The following SERPINC1 variants were observed in gnomAD, a reference collection of about 807,000 sequenced individuals.
SERPINC1 encodes the protein serpin family C member 1, also known as antithrombin-III.
In SERPINC1, 12 loss-of-function variants were observed where a neutral mutation model predicts 43.4. The ratio of observed to expected loss-of-function variants is 0.28; its 90% CI spans 0.18 to 0.45. The LOEUF (loss-of-function observed/expected upper bound fraction) is 0.45. SERPINC1 is among the 20% of genes least tolerant of loss of function. The probability of loss-of-function intolerance (pLI) is 1.00; values close to 1 mark genes in which losing one functional copy is unlikely to be tolerated. For synonymous variants in SERPINC1, 210 were observed against 218.9 expected (o/e 0.96, Z 0.36); for missense variants, 423 against 578.8 (o/e 0.73, Z 2.76).
intron 1 of SERPINC1, 64 bp downstream of exon 1, chr1:173,917,155 G>A (rs1658026836): frequency 7.2e-7 from 1 of 1,395,412 alleles, no homozygotes; most frequent in Non-Finnish European, 1.0e-6. Flanking sequence ...GGTCATTCCT[G>A]TGAGTCCTTT....
intron 6 of SERPINC1, 91 bp from the exon 7 acceptor site, chr1:173,904,156 A>C: frequency 8.0e-7 from 1 of 1,242,740 alleles, no homozygotes; most frequent in Non-Finnish European, 1.2e-6. Flanking sequence ...AATTCCTCAA[A>C]TGCTTTTGTT....
intron 5 of SERPINC1, among the ~76,000 whole-genome samples, chr1:173,908,456 C>A (rs1277161954): frequency 7.3e-6 from 1 of 137,506 alleles, no homozygotes; most frequent in South Asian, 2.3e-4. Context: ...CACCACTGCA[C>A]TCCAGCCTGG....
At chr1:173,907,576 G>T in intron 5 of SERPINC1, 62 bp from the exon 6 acceptor site, 2 of 1,180,548 alleles carry the variant, frequency 1.7e-6, no homozygotes, top group Non-Finnish European at 2.6e-6. Context: ...ACCCACAGAT[G>T]GGAATTCAGT....
At position 173,909,584 on chromosome 1, in the gene SERPINC1, T is replaced by C; in HGVS notation, c.1121A>G (p.Asp374Gly). The C allele has an allele frequency of 6.2e-7, 1 of 1,614,008 alleles. No individual in the cohort carries two copies. The highest frequency in any genetic ancestry group is 8.5e-7 in the Non-Finnish European group (1 of 1,180,034). Residue 374 changes from aspartate (D) to glycine (G), a missense_variant, in exon 5 of 7, where the codon GAT becomes GGT. Physicochemically the swap from Asp to Gly is moderately conservative, Grantham distance 94 (BLOSUM62 -1). Transcript: ENST00000367698. ...KEQLQDMGLV[D>G]LFSPEKSKLP... ...TTTGGACTTTTCAGGGCTGAACAGA[T>C]CGACAAGGCCCATGTCTTGCAGCTG...
At chr1:173,913,553 T>C (rs1046577067) in intron 2 of SERPINC1, among the ~76,000 whole-genome samples, 1 of 152,134 alleles carries the variant, frequency 6.6e-6, no homozygotes, top group Non-Finnish European at 1.5e-5. Flanking sequence ...GTCAGGCCGA[T>C]CCCTTGAAGT....
At chr1:173,912,053 G>T in intron 2 of SERPINC1, 39 bp from the exon 3 acceptor site, 2 of 1,482,114 alleles carry the variant, frequency 1.3e-6, no homozygotes, top group Non-Finnish European at 1.9e-6. Context: ...GGTTTGGTGG[G>T]CTGCCTAGTT....
chr1:173,910,678 G>A lies in SERPINC1; in HGVS notation c.762+76C>T, dbSNP rs541211892. 141 of 1,469,460 alleles carry A rather than the reference G, an allele frequency of 9.6e-5. 1 individual carries two copies. Among genetic ancestry groups the A allele is most frequent in the Non-Finnish European group, 1.3e-4 (133 of 1,054,908 alleles). The allele number at this position is 1,469,460 out of a possible 1,614,324, so 91.0% of individuals were successfully genotyped here. On this transcript the variant is annotated intron_variant, in intron 4 of 6. Coordinates refer to ENST00000367698, the MANE Select transcript of SERPINC1 (RefSeq NM_000488.4). ...TTTGCCCTCTCAGGGCTTCGGTCTCGCCATTTAAAAAAAAAGGGGGTAAGC... is the reference window on the plus strand; with the variant it reads ...TTTGCCCTCTCAGGGCTTCGGTCTCACCATTTAAAAAAAAAGGGGGTAAGC...
rs1465655544 is a variant in SERPINC1 at position 173,909,738 on chromosome 1, T to C, written c.967A>G (p.Ser323Gly). ...AGTTCCTTCTCTACCTTGGCCAGGCTCTTCTCAGGCTTGGGCAAGATGAGG... is the reference window on the plus strand; with the variant it reads ...AGTTCCTTCTCTACCTTGGCCAGGCCCTTCTCAGGCTTGGGCAAGATGAGG... ...MVLILPKPEK[S>G]LAKVEKELTP... The change falls in exon 5 of 7, where the codon AGC becomes GGC. Residue 323 changes from serine to glycine, a missense_variant. Transcript: ENST00000367698. 3 of 1,614,178 alleles carry C rather than the reference T, an allele frequency of 1.9e-6. No homozygotes were observed. The highest frequency in any genetic ancestry group is 2.7e-5 in the African/African-American group (2 of 75,070).
In SERPINC1 at chr1:173,909,950, A is replaced by G; in HGVS notation, c.763-8T>C. The G allele has an allele frequency of 6.2e-7, 1 of 1,613,952 alleles. No individual in the cohort carries two copies. The highest frequency in any genetic ancestry group is 2.2e-5 in the East Asian group (1 of 44,888). ...CTTTGACTTCCACAGGCCCTGGAAG[A>G]GAATCACAAAGTAAGAACACAAACA... is the stretch of plus-strand genomic sequence containing the variant. On this transcript the variant is annotated splice_polypyrimidine_tract_variant and splice_region_variant and intron_variant, in intron 4 of 6. Transcript: ENST00000367698.
chr1:173,911,044 A>G (rs1657751592), intron 3 of SERPINC1, among the ~76,000 whole-genome samples, 153 bp from the exon 4 acceptor site: 2 of 152,228 alleles, frequency 1.3e-5, no homozygotes, highest in African/African-American at 4.8e-5. Flanking sequence ...GGGAAGCCTC[A>G]CATATCTAAT....
At chr1:173,915,967 A>G (rs2102791683) in intron 1 of SERPINC1, among the ~76,000 whole-genome samples, 1 of 151,654 alleles carries the variant, frequency 6.6e-6, no homozygotes, top group South Asian at 2.1e-4. Context: ...ATTTAGTCAA[A>G]CCCCAGAGTC....
At chr1:173,904,762 C>T (rs1313023820) in intron 6 of SERPINC1, among the ~76,000 whole-genome samples, 2 of 152,100 alleles carry the variant, frequency 1.3e-5, no homozygotes, top group Non-Finnish European at 2.9e-5. Context: ...CTCTTCCTTC[C>T]CCTTCCTTTG....
intron 3 of SERPINC1, 88 bp downstream of exon 3, chr1:173,911,711 G>T: frequency 9.5e-7 from 1 of 1,047,546 alleles, no homozygotes; most frequent in Non-Finnish European, 1.5e-6. Flanking sequence ...CAGCAAAGCA[G>T]TGTGAATTTG....
rs1486047798 is a variant in SERPINC1, at chr1:173,903,808, G to T, written c.*81C>A. The stretch of plus-strand genomic sequence containing the variant: ...TTCAAATGCAGAGTCCATTTATAAT[G>T]TGAGATGGAAGTAGTTTGTATTTAT... On this transcript the variant is annotated 3_prime_UTR_variant, in exon 7 of 7. Coordinates refer to ENST00000367698, the MANE Select transcript of SERPINC1 (RefSeq NM_000488.4). The T allele has an allele frequency of 1.6e-6, 2 of 1,222,914 alleles. No homozygotes were observed. The highest frequency in any genetic ancestry group is 2.4e-6 in the Non-Finnish European group (2 of 829,408). 75.8% of individuals were successfully genotyped at this position (1,222,914 alleles called of 1,614,324 possible).
intron 6 of SERPINC1, among the ~76,000 whole-genome samples, chr1:173,906,214 T>A (rs1572086139): frequency 6.6e-6 from 1 of 152,258 alleles, no homozygotes; most frequent in East Asian, 1.9e-4. Flanking sequence ...CATCCCAGAA[T>A]CTCCAAAGAT....
chr1:173,903,953 A>G lies in SERPINC1; in HGVS notation c.1331T>C (p.Ile444Thr). 6.2e-7 allele frequency: 1 copy of G among 1,614,234 alleles called. No individual in the cohort carries two copies. The highest frequency in any genetic ancestry group is 1.3e-5 in the African/African-American group (1 of 75,062). ...FKANRPFLVF[I>T]REVPLNTIIF... ...AATAGTGTTCAGAGGAACTTCTCTT[A>G]TAAAAACCAGGAAAGGCCTGTTGGC... The change falls in exon 7 of 7, where the codon ATA (isoleucine) becomes ACA (threonine). Residue 444 changes from isoleucine to threonine, a missense_variant. Ile to Thr is a moderately conservative substitution (Grantham distance 89). Coordinates refer to ENST00000367698, the MANE Select transcript of SERPINC1 (RefSeq NM_000488.4).
chr1:173,905,963 T>G (rs1657487104), intron 6 of SERPINC1, among the ~76,000 whole-genome samples: 2 of 152,212 alleles, frequency 1.3e-5, no homozygotes, highest in Non-Finnish European at 2.9e-5. Flanking sequence ...AATTCCACTT[T>G]CCTCTGAGTT....
intron 6 of SERPINC1, among the ~76,000 whole-genome samples, chr1:173,904,419 A>G (rs1445551465): frequency 1.3e-4 from 20 of 152,142 alleles, no homozygotes; most frequent in Admixed American, 1.3e-3. Context: ...TTGGCTCAAG[A>G]TCTGAACTCC....
Position 173,915,204 on chromosome 1 carries a change from G to A in SERPINC1, c.42-285C>T, listed in dbSNP as rs1657937205. ...TCCCCACGCTGGGAGAAAAAAGAATGAGAAGCTTCCTGTTTGTGACATGGA... is the reference window on the plus strand; with the variant it reads ...TCCCCACGCTGGGAGAAAAAAGAATAAGAAGCTTCCTGTTTGTGACATGGA... On this transcript the variant is annotated intron_variant, in intron 1 of 6. Transcript: ENST00000367698. 3.0e-6 allele frequency: 4 copies of A among 1,312,472 alleles called. No individual in the cohort carries two copies. In the East Asian group the frequency reaches 1.0e-4, roughly 33 times the overall value. The allele number at this position is 1,312,472 out of a possible 1,614,324, so 81.3% of individuals were successfully genotyped here.
Sources: gnomAD v4.1 joint callset for allele counts (sites outside exome capture counted in the v4.1 genomes callset) on GRCh38, gnomAD v4.1.1 for gene constraint, MANE v1.5 for transcripts, NCBI Gene and HGNC (gene_info 2026-07-23, HGNC 2026-07-21) for gene names.